The following PIAS4 variants were observed in gnomAD, a reference collection of about 807,000 sequenced individuals.
The protein encoded by PIAS4 is protein inhibitor of activated STAT 4.
Under a neutral mutation model 58.0 loss-of-function variants are expected in PIAS4, and 7 were observed. The observed-to-expected ratio is 0.12, with a 90% confidence interval of 0.07 to 0.23. The LOEUF is 0.23. PIAS4 is among the 10% of genes least tolerant of loss of function. The pLI, the probability that PIAS4 is intolerant of heterozygous loss-of-function variation, is 1.00. For missense variants in PIAS4, 550 were observed against 709.5 expected (o/e 0.78, Z 2.55); for synonymous variants, 364 against 312.4 (o/e 1.17, Z -1.74).
rs1382142923 is a variant in PIAS4, at chr19:4,038,014, T to G, written c.*139T>G. On this transcript the variant is annotated 3_prime_UTR_variant, in exon 11 of 11. Coordinates refer to ENST00000262971, the MANE Select transcript of PIAS4 (RefSeq NM_015897.4). The surrounding 1 kb of genome is among the most constrained non-coding windows in gnomAD (Gnocchi z 4.1). ...TTTTTCCACCCTTTTGCCTGGCTCC[T>G]GGCACCTGTACCTCTGGACTCTCCT... 1.2e-6 allele frequency: 1 copy of G among 816,368 alleles called. No homozygotes were observed. The highest frequency in any genetic ancestry group is 1.9e-6 in the Non-Finnish European group (1 of 527,684). The allele number at this position is 816,368 out of a possible 1,614,324, so 50.6% of individuals were successfully genotyped here.
At chr19:4,011,435 A>AGGAG (rs2039990945) in intron 1 of PIAS4, among the ~76,000 whole-genome samples, 1 of 152,138 alleles carries the variant, frequency 6.6e-6, no homozygotes, top group African/African-American at 2.4e-5. Flanking sequence ...GGCCACTGCC[A>AGGAG]GTCTACCCCA....
At chr19:4,030,348 A>G (rs8108673) in intron 7 of PIAS4, among the ~76,000 whole-genome samples, 138,062 of 150,808 alleles carry the variant, frequency 0.92, 63,026 homozygotes, top group East Asian at 0.96. Flanking sequence ...GGCAAGGCGC[A>G]GTGGCTCACA....
intron 7 of PIAS4, among the ~76,000 whole-genome samples, chr19:4,030,680 G>A (rs1014579055): frequency 1.3e-5 from 2 of 151,904 alleles, no homozygotes; most frequent in African/African-American, 4.8e-5. Flanking sequence ...AAGCAGCCAC[G>A]CAGCACAAAG....
At chr19:4,027,946 C>T (rs1034079915) in intron 3 of PIAS4, among the ~76,000 whole-genome samples, 200 bp from the exon 4 acceptor site, 17 of 152,044 alleles carry the variant, frequency 1.1e-4, no homozygotes, top group African/African-American at 4.1e-4. Flanking sequence ...GTTGCATTTT[C>T]CAGGGAGGCC....
chr19:4,013,051 T>C lies in PIAS4; in HGVS notation c.156T>C (p.Pro52=), dbSNP rs2040012329. The C allele has an allele frequency of 1.2e-6, 2 of 1,613,418 alleles. No homozygotes were observed. Among genetic ancestry groups the C allele is most frequent in the African/African-American group, 2.7e-5 (2 of 74,854 alleles). The change falls in exon 2 of 11, where the codon CCT becomes CCC. Residue 52 remains proline, a synonymous_variant. Transcript: ENST00000262971. This position sits in a 1 kb window ranked among gnomAD's most constrained non-coding sequence, Gnocchi z 5.1. ...ALQLVQFDCS[P]ELFKKIKELY... ...AGCTGGTGCAGTTTGACTGTAGCCC[T>C]GAGCTGTTCAAGAAGATCAAGGAGC... is the stretch of plus-strand genomic sequence containing the variant.
chr19:4,021,647 TTC>T (rs374355109), intron 2 of PIAS4, among the ~76,000 whole-genome samples: 53 of 152,316 alleles, frequency 3.5e-4, no homozygotes, highest in African/African-American at 1.2e-3. Flanking sequence ...TATGCTTTCC[TTC>T]TCTGTTTTTT....
intron 2 of PIAS4, among the ~76,000 whole-genome samples, chr19:4,022,821 C>T (rs987489575): frequency 4.6e-4 from 69 of 151,194 alleles, no homozygotes; most frequent in African/African-American, 8.7e-4. Context: ...TACAGGCGCC[C>T]GAACCAGGCC....
intron 2 of PIAS4, among the ~76,000 whole-genome samples, chr19:4,015,720 C>T (rs1045786481): frequency 3.9e-5 from 6 of 152,166 alleles, no homozygotes; most frequent in Admixed American, 6.5e-5. Context: ...GGGCCGCCTC[C>T]GGAGGACCCA....
intron 2 of PIAS4, among the ~76,000 whole-genome samples, chr19:4,016,599 C>T (rs1307581186): frequency 6.6e-6 from 1 of 152,220 alleles, no homozygotes; most frequent in Non-Finnish European, 1.5e-5. Context: ...CTGTCAGTAG[C>T]AGGAGCCATT....
chr19:4,027,569 T>TG (rs1040715443), intron 3 of PIAS4, among the ~76,000 whole-genome samples: 6 of 145,356 alleles, frequency 4.1e-5, no homozygotes, highest in Non-Finnish European at 9.2e-5. Flanking sequence ...CTGGTTTTTG[T>TG]TTTTTTTTTT....
At chr19:4,035,751 A>ATC (rs2040268618) in intron 9 of PIAS4, among the ~76,000 whole-genome samples, 1 of 110,654 alleles carries the variant, frequency 9.0e-6, no homozygotes, top group South Asian at 2.9e-4. Context: ...AGTCCACACC[A>ATC]TCACACACAC....
chr19:4,036,805 C>T lies in PIAS4; in HGVS notation c.1143-569C>T, dbSNP rs113127980. Among the ~76,000 whole-genome samples, 90 of 148,708 alleles carry T rather than the reference C, an allele frequency of 6.1e-4. 1 individual carries two copies. Among genetic ancestry groups the T allele is most frequent in the Non-Finnish European group, 9.1e-4 (60 of 65,624 alleles). On this transcript the variant is annotated intron_variant, in intron 9 of 10. Coordinates refer to ENST00000262971, the MANE Select transcript of PIAS4 (RefSeq NM_015897.4). ...ACACACACATCTATACAGTCCACAC[C>T]GTCACATATCTGTACAGTCCACACC...
chr19:4,012,888 G>A, intron 1 of PIAS4, 35 bp from the exon 2 acceptor site: 2 of 1,578,926 alleles, frequency 1.3e-6, no homozygotes, highest in Non-Finnish European at 1.7e-6. Flanking sequence ...TCGCAGCTGT[G>A]TCCTCTGAGT....
chr19:4,033,671 C>CA, intron 9 of PIAS4, 91 bp downstream of exon 9: 1 of 1,062,732 alleles, frequency 9.4e-7, no homozygotes, highest in South Asian at 1.5e-5. Context: ...CATGGTGCCC[C>CA]AGCAAGACAC....
At chr19:4,018,789 G>A (rs936250263) in intron 2 of PIAS4, 1 of 152,332 alleles carries the variant, frequency 6.6e-6, no homozygotes, top group South Asian at 2.1e-4. Context: ...GGGGTGCTCA[G>A]CGAAGGCTTT....
Sources: gnomAD v4.1 joint callset for allele counts (sites outside exome capture counted in the v4.1 genomes callset) on GRCh38, gnomAD v4.1.1 for gene constraint, Gnocchi (gnomAD v3.1) non-coding constraint, MANE v1.5 for transcripts, NCBI Gene and HGNC (gene_info 2026-07-23, HGNC 2026-07-21) for gene names.